The following DCT variants were observed in gnomAD, a reference collection of about 807,000 sequenced individuals.
DCT encodes dopachrome tautomerase, also known as L-dopachrome tautomerase.
A neutral mutation model predicts 53.0 loss-of-function variants in DCT; 47 were observed. The observed-to-expected ratio is 0.89, with a 90% confidence interval of 0.70 to 1.13. The LOEUF (loss-of-function observed/expected upper bound fraction) is 1.13, where lower values mean the gene tolerates loss of function less well. Among genes scored for constraint, DCT ranks in the 50% most tolerant of loss-of-function variants. The pLI, the probability that DCT is intolerant of heterozygous loss-of-function variation, is 0.00. For missense variants in DCT, 669 were observed against 637.4 expected (o/e 1.05, Z -0.53); for synonymous variants, 244 against 237.0 (o/e 1.03, Z -0.27).
rs771865026 is a variant in DCT at position 94,465,622 on chromosome 13, G to A, written c.863+11C>T. 3.1e-6 allele frequency: 5 copies of A among 1,612,000 alleles called. No homozygotes were observed. In the Admixed American group the frequency reaches 6.7e-5, roughly 22 times the overall value. Reference sequence around the variant, plus strand: ...ATCTCTGGATGCCATTGCAGGTACAGGAGCCATTACCTATCACAGACAGTT... The same window carrying A: ...ATCTCTGGATGCCATTGCAGGTACAAGAGCCATTACCTATCACAGACAGTT... On this transcript the variant is annotated intron_variant, in intron 4 of 7. Transcript: ENST00000377028.
chr13:94,522,050 T>C, the DCT span, among the ~76,000 whole-genome samples: 99 of 152,324 alleles, frequency 6.5e-4, no homozygotes, highest in Non-Finnish European at 1.2e-3. Flanking sequence ...GGTTCACCCA[T>C]GTTGTAGCAT....
the DCT span, among the ~76,000 whole-genome samples, chr13:94,497,250 G>T: frequency 6.6e-6 from 1 of 152,170 alleles, no homozygotes; most frequent in African/African-American, 2.4e-5. Context: ...CCAGCAGACT[G>T]CTTTCAGACT....
At chr13:94,463,446 T>C (rs889137122) in intron 4 of DCT, among the ~76,000 whole-genome samples, 2 of 152,116 alleles carry the variant, frequency 1.3e-5, no homozygotes, top group Admixed American at 6.5e-5. Context: ...CAGCTAACTT[T>C]TGTATTTTTA....
At chr13:94,491,095 C>G in the DCT span, among the ~76,000 whole-genome samples, 2 of 152,066 alleles carry the variant, frequency 1.3e-5, no homozygotes, top group African/African-American at 4.8e-5. Context: ...CAAGAAAAGT[C>G]AGGGCGCTTT....
the DCT span, among the ~76,000 whole-genome samples, chr13:94,545,200 G>T: frequency 6.6e-6 from 1 of 151,982 alleles, no homozygotes; most frequent in African/African-American, 2.4e-5. Context: ...TGATAAAAAT[G>T]ATCAGATTAC....
At chr13:94,486,479 A>C in the DCT span, among the ~76,000 whole-genome samples, 1 of 152,206 alleles carries the variant, frequency 6.6e-6, no homozygotes. Context: ...GCCTTGCATT[A>C]ACTAAATTAC....
chr13:94,479,549 T>G lies in DCT; in HGVS notation c.-294A>C. The G allele has an allele frequency of 3.5e-6, 1 of 289,064 alleles. No homozygotes were observed. The highest frequency in any genetic ancestry group is 6.5e-6 in the Non-Finnish European group (1 of 154,200). 17.9% of individuals were successfully genotyped at this position (289,064 alleles called of 1,614,324 possible). On this transcript the variant is annotated 5_prime_UTR_variant, in exon 1 of 8. Transcript: ENST00000377028. ...AATGAGGGTAGCGCTTCTCACCATC[T>G]TCCCCCGTTAAGTCAGGCTTTGTCT...
the DCT span, among the ~76,000 whole-genome samples, chr13:94,491,904 T>A: frequency 1.3e-5 from 2 of 152,192 alleles, no homozygotes; most frequent in African/African-American, 2.4e-5. Flanking sequence ...TAGATCTGGA[T>A]GAGAAGTTAA....
the DCT span, among the ~76,000 whole-genome samples, chr13:94,543,555 G>A: frequency 0.36 from 54,962 of 151,896 alleles, 10,259 homozygotes; most frequent in East Asian, 0.62. Context: ...GCCTTTATCT[G>A]AGCCCATTCC....
At chr13:94,534,934 G>A in the DCT span, among the ~76,000 whole-genome samples, 1 of 152,186 alleles carries the variant, frequency 6.6e-6, no homozygotes, top group East Asian at 1.9e-4. Context: ...TTAGAGACAA[G>A]GTCTTGCTAA....
chr13:94,536,525 T>G, the DCT span, among the ~76,000 whole-genome samples: 1 of 152,096 alleles, frequency 6.6e-6, no homozygotes, highest in African/African-American at 2.4e-5. Context: ...TGGTCATGAT[T>G]TAATATTCAG....
At chr13:94,536,133 A>C in the DCT span, among the ~76,000 whole-genome samples, 4 of 152,208 alleles carry the variant, frequency 2.6e-5, no homozygotes, top group Admixed American at 2.0e-4. Flanking sequence ...AAGGTCCAGG[A>C]GACAAAAGGT....
intron 6 of DCT, chr13:94,444,581 A>T: frequency 3.0e-6 from 1 of 336,242 alleles, no homozygotes; most frequent in South Asian, 2.4e-5. Flanking sequence ...AACATGATAC[A>T]AGTTTGAGAG....
the DCT span, among the ~76,000 whole-genome samples, chr13:94,522,908 G>A: frequency 1.3e-5 from 2 of 152,236 alleles, no homozygotes; most frequent in South Asian, 4.1e-4. Flanking sequence ...AGCTGCAGGA[G>A]CATTAACCAT....
At chr13:94,488,737 C>T in the DCT span, among the ~76,000 whole-genome samples, 15 of 110,998 alleles carry the variant, frequency 1.4e-4, no homozygotes, top group South Asian at 2.8e-4. Context: ...CACACACACA[C>T]ACACACACAC....
At chr13:94,510,152 C>T in the DCT span, among the ~76,000 whole-genome samples, 1 of 152,196 alleles carries the variant, frequency 6.6e-6, no homozygotes, top group Non-Finnish European at 1.5e-5. Flanking sequence ...TACTCCCTAA[C>T]TATCAAGGGC....
chr13:94,499,050 G>C, the DCT span, among the ~76,000 whole-genome samples: 1 of 152,192 alleles, frequency 6.6e-6, no homozygotes, highest in African/African-American at 2.4e-5. Flanking sequence ...CCAGCCAGCA[G>C]TGGCACCCCA....
chr13:94,548,267 TG>T, the DCT span, among the ~76,000 whole-genome samples: 3 of 152,042 alleles, frequency 2.0e-5, no homozygotes, highest in South Asian at 6.3e-4. Flanking sequence ...AAGGTTGTTA[TG>T]AAGAGCAAAT....
chr13:94,459,650 A>G (rs1395275329), intron 6 of DCT, among the ~76,000 whole-genome samples: 1 of 152,102 alleles, frequency 6.6e-6, no homozygotes, highest in Non-Finnish European at 1.5e-5. Flanking sequence ...TTTCTCAAGT[A>G]AAGCTCACTC....
Sources: allele counts gnomAD v4.1 joint callset (sites outside exome capture counted in the v4.1 genomes callset), GRCh38; gene constraint gnomAD v4.1.1; transcripts MANE v1.5; gene names NCBI Gene and HGNC (gene_info 2026-07-23, HGNC 2026-07-21).